TMCC1: variants seen among roughly 807,000 people sequenced by gnomAD.
TMCC1 encodes the protein transmembrane and coiled-coil domain family 1.
TMCC1 carries 15 observed loss-of-function variants against 52.4 expected under a neutral mutation model. The ratio of observed to expected loss-of-function variants is 0.29; its 90% CI spans 0.19 to 0.44. The LOEUF (loss-of-function observed/expected upper bound fraction) is 0.44. Among genes scored for constraint, TMCC1 ranks in the 20% least tolerant of loss-of-function variants. The probability of loss-of-function intolerance (pLI) is 1.00; values close to 1 mark genes in which losing one functional copy is unlikely to be tolerated. For synonymous variants in TMCC1, 279 were observed against 301.9 expected (o/e 0.92, Z 0.79); for missense variants, 503 against 806.0 (o/e 0.62, Z 4.55).
At chr3:129,706,170 G>A (rs536832547) in intron 4 of TMCC1, among the ~76,000 whole-genome samples, 1 of 150,182 alleles carries the variant, frequency 6.7e-6, no homozygotes, top group Non-Finnish European at 1.5e-5. Context: ...GGATACAGGC[G>A]TGAGCCACCG....
At chr3:129,707,023 G>A in intron 4 of TMCC1, among the ~76,000 whole-genome samples, 1 of 152,088 alleles carries the variant, frequency 6.6e-6, no homozygotes. Flanking sequence ...CAGTGTTTGA[G>A]GGGGATAGAT....
chr3:129,715,076 C>G (rs764407737), intron 4 of TMCC1, among the ~76,000 whole-genome samples: 11 of 152,190 alleles, frequency 7.2e-5, no homozygotes, highest in Non-Finnish European at 1.2e-4. Context: ...AAGATGCACA[C>G]ATACAGTTAA....
chr3:129,708,080 AT>A (rs2048379971), intron 4 of TMCC1, among the ~76,000 whole-genome samples: 1 of 152,178 alleles, frequency 6.6e-6, no homozygotes, highest in South Asian at 2.1e-4. Context: ...TGAGAGGAAA[AT>A]TTTAGTAAGA....
chr3:129,797,309 G>A (rs1246329551), intron 4 of TMCC1, among the ~76,000 whole-genome samples: 4 of 150,742 alleles, frequency 2.7e-5, no homozygotes, highest in African/African-American at 7.3e-5. Context: ...CTGGGCGACA[G>A]AGCGACACTC....
intron 4 of TMCC1, among the ~76,000 whole-genome samples, chr3:129,708,220 GGTGTTTTAT>G (rs2048389581): frequency 6.6e-6 from 1 of 151,866 alleles, no homozygotes; most frequent in African/African-American, 2.4e-5. Flanking sequence ...TTCCTCTTGG[GGTGTTTTAT>G]GTTGTAATTA....
chr3:129,755,003 G>A (rs1039863227), intron 4 of TMCC1, among the ~76,000 whole-genome samples: 5 of 152,016 alleles, frequency 3.3e-5, no homozygotes, highest in African/African-American at 9.7e-5. Context: ...ACTTGAACCC[G>A]GGAGGCGGAG....
chr3:129,744,029 T>C (rs1050827787), intron 4 of TMCC1, among the ~76,000 whole-genome samples: 1 of 152,192 alleles, frequency 6.6e-6, no homozygotes, highest in Admixed American at 6.5e-5. Context: ...AAGAGTATGA[T>C]TTTAAAATAC....
intron 4 of TMCC1, among the ~76,000 whole-genome samples, chr3:129,753,351 CTT>C (rs2052700490): frequency 6.6e-6 from 1 of 152,150 alleles, no homozygotes. Flanking sequence ...AGAAATCAAG[CTT>C]TCCAAAGCAG....
intron 4 of TMCC1, among the ~76,000 whole-genome samples, chr3:129,776,663 T>C (rs1481187166): frequency 1.3e-5 from 2 of 152,214 alleles, no homozygotes; most frequent in Non-Finnish European, 2.9e-5. Flanking sequence ...GGTCTCGCTC[T>C]ATCACCCAGG....
At chr3:129,881,990 C>CA in intron 1 of TMCC1, among the ~76,000 whole-genome samples, 1 of 152,158 alleles carries the variant, frequency 6.6e-6, no homozygotes, top group Admixed American at 6.6e-5. Flanking sequence ...CCACAAACTC[C>CA]AAAAGCTTAA....
At chr3:129,685,760 G>C (rs1446228250) in intron 4 of TMCC1, among the ~76,000 whole-genome samples, 2 of 152,110 alleles carry the variant, frequency 1.3e-5, no homozygotes, top group African/African-American at 2.4e-5. Context: ...GAGCCAAAAG[G>C]CTACTTGACT....
chr3:129,666,425 G>A (rs2087458803), intron 5 of TMCC1, among the ~76,000 whole-genome samples: 1 of 152,172 alleles, frequency 6.6e-6, no homozygotes, highest in Non-Finnish European at 1.5e-5. Flanking sequence ...TGCTTAAAAT[G>A]TGAAAAGTTT....
rs531307787 is a variant in TMCC1 at position 129,698,078 on chromosome 3, A to T, written c.577-26814T>A. Reference sequence around the variant, plus strand: ...CCACATTTTTGGGTATCTTAATAGCAGTACCCCACTCTACTGGTACCAATT... The same window carrying T: ...CCACATTTTTGGGTATCTTAATAGCTGTACCCCACTCTACTGGTACCAATT... On this transcript the variant is annotated intron_variant, in intron 4 of 6. Transcript: ENST00000393238. Among the ~76,000 whole-genome samples, 4 of 152,286 alleles carry T rather than the reference A, an allele frequency of 2.6e-5. No individual in the cohort carries two copies. In the South Asian group the frequency reaches 8.3e-4, roughly 32 times the overall value.
chr3:129,740,966 A>G (rs1366932737), intron 4 of TMCC1, among the ~76,000 whole-genome samples: 1 of 152,188 alleles, frequency 6.6e-6, no homozygotes, highest in African/African-American at 2.4e-5. Context: ...TCCACTTCAC[A>G]TCTGAGATCA....
chr3:129,825,176 CT>C lies in TMCC1; in HGVS notation c.576+2626del, dbSNP rs750759847. Among the ~76,000 whole-genome samples, 6 of 152,348 alleles carry C rather than the reference CT, an allele frequency of 3.9e-5. No individual in the cohort carries two copies. In the East Asian group the frequency reaches 1.2e-3, roughly 29 times the overall value. On this transcript the variant is annotated intron_variant, in intron 4 of 6. Coordinates refer to ENST00000393238, the MANE Select transcript of TMCC1 (RefSeq NM_001017395.5). The stretch of plus-strand genomic sequence containing the variant: ...AATTATCCTTTTCCCCGCTTCATTT[CT>C]TCCCCACTGGGAGAACAGTACACCT...
chr3:129,845,493 A>G (rs1424512891), intron 2 of TMCC1, among the ~76,000 whole-genome samples: 1 of 152,232 alleles, frequency 6.6e-6, no homozygotes, highest in Non-Finnish European at 1.5e-5. Flanking sequence ...AGCTTTCCTC[A>G]GAAGTCTATA....
Position 129,853,590 on chromosome 3 carries a change from C to A in TMCC1, c.-183-20764G>T, listed in dbSNP as rs558890401. ...GCTGCAGTGAGCTATGATTGAGCCA[C>A]TGCATTCCAGCCTGGGCAACAGAGT... On this transcript the variant is annotated intron_variant, in intron 2 of 6. Transcript: ENST00000393238. Among the ~76,000 whole-genome samples the A allele has an allele frequency of 1.3e-3, 192 of 150,306 alleles. 2 individuals are homozygous for A. The highest frequency in any genetic ancestry group is 2.3e-3 in the Non-Finnish European group (154 of 67,832).
At chr3:129,686,875 C>T (rs1390419205) in intron 4 of TMCC1, among the ~76,000 whole-genome samples, 1 of 152,092 alleles carries the variant, frequency 6.6e-6, no homozygotes, top group Non-Finnish European at 1.5e-5. Flanking sequence ...CAGTAGGTTT[C>T]ACATGCCAAG....
At chr3:129,742,900 G>A (rs2051585410) in intron 4 of TMCC1, among the ~76,000 whole-genome samples, 2 of 152,162 alleles carry the variant, frequency 1.3e-5, no homozygotes, top group South Asian at 2.1e-4. Flanking sequence ...GAAGGACCAT[G>A]TATTACATGT....
Sources: allele counts gnomAD v4.1 joint callset (sites outside exome capture counted in the v4.1 genomes callset), GRCh38; gene constraint gnomAD v4.1.1; transcripts MANE v1.5; gene names NCBI Gene and HGNC (gene_info 2026-07-23, HGNC 2026-07-21).